GALNTL6: variants seen among roughly 807,000 people sequenced by gnomAD.
GALNTL6 encodes the protein polypeptide N-acetylgalactosaminyltransferase-like 6.
GALNTL6 carries 46 observed loss-of-function variants against 73.7 expected under a neutral mutation model. The observed-to-expected ratio is 0.62, with a 90% CI of 0.49 to 0.80. The LOEUF (loss-of-function observed/expected upper bound fraction) is 0.80, where lower values mean the gene tolerates loss of function less well. Ranked by LOEUF, GALNTL6 falls within the 30% of genes least tolerant of loss-of-function variation. The pLI is 0.00. For missense variants in GALNTL6, 604 were observed against 755.0 expected (o/e 0.80, Z 2.34); for synonymous variants, 259 against 263.7 (o/e 0.98, Z 0.17).
intron 2 of GALNTL6, among the ~76,000 whole-genome samples, chr4:172,024,897 G>A (rs994907880): frequency 3.4e-5 from 5 of 147,454 alleles, no homozygotes; most frequent in Non-Finnish European, 6.0e-5. Flanking sequence ...GATTTTTAGC[G>A]TTGTTGGAGT....
At chr4:172,914,968 A>G (rs765650848) in intron 8 of GALNTL6, among the ~76,000 whole-genome samples, 102 of 152,348 alleles carry the variant, frequency 6.7e-4, no homozygotes, top group South Asian at 1.9e-3. Flanking sequence ...ACCACATCGC[A>G]CTTATTTCAA....
chr4:173,002,465 A>T (rs1038956336), intron 10 of GALNTL6, among the ~76,000 whole-genome samples: 1 of 151,904 alleles, frequency 6.6e-6, no homozygotes, highest in African/African-American at 2.4e-5. Flanking sequence ...TGGCATATTT[A>T]TATATGTATA....
chr4:171,890,331 C>T (rs1445785070), intron 2 of GALNTL6, among the ~76,000 whole-genome samples: 1 of 152,038 alleles, frequency 6.6e-6, no homozygotes, highest in Non-Finnish European at 1.5e-5. Flanking sequence ...TCAGAAAATT[C>T]TTTCCTTCAT....
At chr4:172,528,254 A>G (rs1209808059) in intron 5 of GALNTL6, among the ~76,000 whole-genome samples, 1 of 148,272 alleles carries the variant, frequency 6.7e-6, no homozygotes, top group Admixed American at 6.7e-5. Flanking sequence ...AGTTGCTGGC[A>G]TGAGAATGTG....
chr4:172,170,671 C>T (rs569622733), intron 2 of GALNTL6, among the ~76,000 whole-genome samples: 3 of 152,096 alleles, frequency 2.0e-5, no homozygotes, highest in Non-Finnish European at 2.9e-5. Flanking sequence ...CCACCAAACC[C>T]GGCTAATTTT....
chr4:172,819,172 T>G (rs1314351635), intron 7 of GALNTL6, among the ~76,000 whole-genome samples: 1 of 152,220 alleles, frequency 6.6e-6, no homozygotes, highest in Non-Finnish European at 1.5e-5. Context: ...TCTACCTCTT[T>G]GCTACAGAGA....
At chr4:172,775,731 C>A (rs1270031297) in intron 5 of GALNTL6, among the ~76,000 whole-genome samples, 5 of 152,056 alleles carry the variant, frequency 3.3e-5, no homozygotes, top group Non-Finnish European at 5.9e-5. Context: ...TTGCTTCTAA[C>A]CAATAGACTA....
chr4:172,023,419 T>C (rs1423570098), intron 2 of GALNTL6, among the ~76,000 whole-genome samples: 1 of 151,880 alleles, frequency 6.6e-6, no homozygotes, highest in East Asian at 1.9e-4. Context: ...TAAAAACCTT[T>C]CACATGTTGG....
chr4:172,834,186 A>G (rs1742786886), intron 7 of GALNTL6, among the ~76,000 whole-genome samples: 1 of 152,190 alleles, frequency 6.6e-6, no homozygotes, highest in African/African-American at 2.4e-5. Flanking sequence ...GAGGAAAGAC[A>G]TCTCACTCTC....
chr4:172,579,459 TGG>T (rs1737085567), intron 5 of GALNTL6, among the ~76,000 whole-genome samples: 1 of 152,216 alleles, frequency 6.6e-6, no homozygotes, highest in African/African-American at 2.4e-5. Flanking sequence ...AGACTCATTC[TGG>T]AGGCAGAGCT....
chr4:172,548,009 A>T (rs1350366761), intron 5 of GALNTL6, among the ~76,000 whole-genome samples: 1 of 152,188 alleles, frequency 6.6e-6, no homozygotes, highest in Non-Finnish European at 1.5e-5. Context: ...ATGACTTTGT[A>T]TGTCTGCTCT....
At chr4:172,276,362 C>A (rs1006761058) in intron 3 of GALNTL6, among the ~76,000 whole-genome samples, 1 of 152,144 alleles carries the variant, frequency 6.6e-6, no homozygotes, top group Non-Finnish European at 1.5e-5. Flanking sequence ...TGACTGAGGT[C>A]TTGGTAGCAT....
intron 7 of GALNTL6, among the ~76,000 whole-genome samples, chr4:172,837,275 G>A (rs1172494153): frequency 1.3e-5 from 2 of 152,070 alleles, no homozygotes; most frequent in African/African-American, 4.8e-5. Context: ...GGATTAGATC[G>A]TATCACCTTC....
chr4:171,989,301 C>T (rs192118827), intron 2 of GALNTL6, among the ~76,000 whole-genome samples: 54 of 152,254 alleles, frequency 3.5e-4, no homozygotes, highest in Middle Eastern at 3.4e-3. Flanking sequence ...TCTTCAGCCA[C>T]GAAGCCGAGA....
chr4:173,010,345 G>A (rs62341919), intron 11 of GALNTL6, among the ~76,000 whole-genome samples: 15,121 of 152,116 alleles, frequency 0.099, 958 homozygotes, highest in Non-Finnish European at 0.15. Context: ...ACAGGATCTC[G>A]TTCTTCTTTA....
chr4:172,234,058 G>GT (rs1427742003), intron 3 of GALNTL6, among the ~76,000 whole-genome samples: 1 of 151,884 alleles, frequency 6.6e-6, no homozygotes, highest in Non-Finnish European at 1.5e-5. Context: ...GTTTGTAGTT[G>GT]TAATATAGAA....
intron 2 of GALNTL6, among the ~76,000 whole-genome samples, chr4:171,847,617 T>C (rs1278310392): frequency 6.6e-6 from 1 of 152,206 alleles, no homozygotes; most frequent in East Asian, 1.9e-4. Flanking sequence ...CACTGCTTTA[T>C]CAACTAAGTT....
intron 7 of GALNTL6, among the ~76,000 whole-genome samples, chr4:172,866,282 A>G (rs1744659039): frequency 1.3e-5 from 2 of 152,230 alleles, no homozygotes; most frequent in South Asian, 4.1e-4. Context: ...GTGTGAGTGC[A>G]TATACGAGAG....
At chr4:171,961,221 T>A (rs1396982686) in intron 2 of GALNTL6, among the ~76,000 whole-genome samples, 1 of 152,158 alleles carries the variant, frequency 6.6e-6, no homozygotes, top group Non-Finnish European at 1.5e-5. Flanking sequence ...TAAATCAGAT[T>A]TGACTTATAG....
Sources: gnomAD v4.1 joint callset for allele counts (sites outside exome capture counted in the v4.1 genomes callset) on GRCh38, gnomAD v4.1.1 for gene constraint, MANE v1.5 for transcripts, NCBI Gene and HGNC (gene_info 2026-07-23, HGNC 2026-07-21) for gene names.